The following TRHDE variants were observed in gnomAD, a reference collection of about 807,000 sequenced individuals.
TRHDE encodes thyrotropin releasing hormone degrading enzyme, also known as thyrotropin-releasing hormone-degrading ectoenzyme.
In TRHDE, 72 loss-of-function variants were observed where a neutral mutation model predicts 125.7. The ratio of observed to expected loss-of-function variants is 0.57; its 90% CI spans 0.47 to 0.70. The LOEUF is 0.70. Ranked by LOEUF, TRHDE falls within the 30% of genes least tolerant of loss-of-function variation. TRHDE has a pLI of 0.00. For missense variants in TRHDE, 1,110 were observed against 1,327.1 expected (o/e 0.84, Z 2.54); for synonymous variants, 509 against 509.1 (o/e 1.00, Z 0.00).
intron 1 of TRHDE, among the ~76,000 whole-genome samples, chr12:72,100,668 T>C (rs887300952): frequency 2.0e-5 from 3 of 152,170 alleles, no homozygotes; most frequent in African/African-American, 7.2e-5. Context: ...TGGGATCAGG[T>C]GAAGAATAGG....
intron 12 of TRHDE, among the ~76,000 whole-genome samples, chr12:72,606,539 TC>T (rs1484695703): frequency 1.3e-5 from 2 of 152,148 alleles, no homozygotes; most frequent in African/African-American, 4.8e-5. Flanking sequence ...AAATACTGTT[TC>T]CCCCATTTTA....
intron 2 of TRHDE, among the ~76,000 whole-genome samples, chr12:72,192,704 G>A (rs538747829): frequency 6.6e-6 from 1 of 152,112 alleles, no homozygotes; most frequent in East Asian, 1.9e-4. Context: ...CCTAACCTTT[G>A]TTCCCTGATC....
chr12:72,497,568 A>G (rs181918036), intron 5 of TRHDE, among the ~76,000 whole-genome samples: 1 of 152,280 alleles, frequency 6.6e-6, no homozygotes, highest in Admixed American at 6.5e-5. Flanking sequence ...TAATGGAATC[A>G]CACTTTTAAT....
rs553271295 is a variant in TRHDE, at chr12:72,121,175, A to G, written n.279+15423A>G. 1.4e-3 allele frequency among the ~76,000 whole-genome samples: 209 copies of G among 152,246 alleles called. 1 individual carries two copies. Among genetic ancestry groups the G allele is most frequent in the African/African-American group, 4.6e-3 (191 of 41,540 alleles). ...TATTACCAGTGAGTTTTGTACCTTC[A>G]GATGATTTCTTTTTTCTCGTTAATG... On this transcript the variant is annotated intron_variant and non_coding_transcript_variant, in intron 2 of 4. Coordinates refer to the TRHDE transcript ENST00000548156.
rs1308129691 is a variant in TRHDE at position 72,238,309 on chromosome 12, T to TA, written n.279+132558dup. ...ATATATATATATATATATATATATA[T>TA]ATATATATATATACATATATATATA... On this transcript the variant is annotated intron_variant and non_coding_transcript_variant, in intron 2 of 4. Coordinates refer to the TRHDE transcript ENST00000548156. 9.3e-4 allele frequency among the ~76,000 whole-genome samples: 31 copies of TA among 33,430 alleles called. 2 individuals carry two copies. The highest frequency in any genetic ancestry group is 1.8e-3 in the Non-Finnish European group (29 of 15,938). The allele number at this position is 33,430 out of a possible 152,430, so 21.9% of individuals were successfully genotyped here. A position where few individuals can be genotyped will look rare whatever the true frequency, so the allele number is the denominator to read the frequency against.
chr12:72,454,607 A>G (rs752481869), intron 3 of TRHDE, among the ~76,000 whole-genome samples: 1 of 152,206 alleles, frequency 6.6e-6, no homozygotes, highest in Non-Finnish European at 1.5e-5. Flanking sequence ...TTACTCGCCA[A>G]TCTTCATGGA....
chr12:72,539,449 G>A (rs1869034431), intron 6 of TRHDE, among the ~76,000 whole-genome samples: 1 of 151,832 alleles, frequency 6.6e-6, no homozygotes, highest in South Asian at 2.1e-4. Flanking sequence ...AGAACACAAA[G>A]TAATTGCTAT....
At chr12:72,376,357 T>C (rs945546700) in intron 2 of TRHDE, among the ~76,000 whole-genome samples, 2 of 152,186 alleles carry the variant, frequency 1.3e-5, no homozygotes, top group Admixed American at 6.5e-5. Context: ...CCGCTTCCTA[T>C]GAACTTTACT....
At chr12:72,587,005 T>G (rs775505380) in intron 12 of TRHDE, among the ~76,000 whole-genome samples, 4 of 152,086 alleles carry the variant, frequency 2.6e-5, no homozygotes, top group Non-Finnish European at 5.9e-5. Flanking sequence ...GAACTATAGA[T>G]GAAAATTAGT....
At chr12:72,172,133 A>G (rs1876887162) in intron 2 of TRHDE, among the ~76,000 whole-genome samples, 1 of 152,196 alleles carries the variant, frequency 6.6e-6, no homozygotes, top group African/African-American at 2.4e-5. Context: ...CAAATGGAGG[A>G]AAATATATCT....
intron 2 of TRHDE, chr12:72,264,015 T>C (rs1879010840): frequency 6.6e-6 from 1 of 152,042 alleles, no homozygotes. Flanking sequence ...CTGAAATGAC[T>C]CCATAAATGC....
At chr12:72,544,252 G>C (rs1027285873) in intron 7 of TRHDE, among the ~76,000 whole-genome samples, 10 of 151,354 alleles carry the variant, frequency 6.6e-5, no homozygotes, top group African/African-American at 2.2e-4. Flanking sequence ...AAGATGTATG[G>C]GATACATTTT....
chr12:72,287,086 TG>T lies in TRHDE; in HGVS notation c.1188+139del, dbSNP rs1158667762. 1.1e-4 allele frequency: 113 copies of T among 992,828 alleles called. 1 individual carries two copies. Among genetic ancestry groups the T allele is most frequent in the South Asian group, 1.1e-3 (63 of 56,660 alleles). 61.5% of individuals were successfully genotyped at this position (992,828 alleles called of 1,614,324 possible). On this transcript the variant is annotated intron_variant, in intron 2 of 18. Coordinates refer to ENST00000261180, the MANE Select transcript of TRHDE (RefSeq NM_013381.3). ...AGTGGAATTCTTTCTTTAATTCTTA[TG>T]GGGGGGTTTTTACATATTTTACTAG...
rs72163048 is a variant in TRHDE at position 72,498,963 on chromosome 12, ATGTGTG to A, written c.1585-511_1585-506del. ...CTCTTGAAATTTTTTCAGAAAATAA[ATGTGTG>A]TGTGTGTGTGTGTGTGTGTGTGTTT... On this transcript the variant is annotated intron_variant, in intron 5 of 18. Coordinates refer to ENST00000261180, the MANE Select transcript of TRHDE (RefSeq NM_013381.3). Among the ~76,000 whole-genome samples, 930 of 147,264 alleles carry A rather than the reference ATGTGTG, an allele frequency of 6.3e-3. 7 individuals are homozygous for A. The highest frequency in any genetic ancestry group is 0.02 in the African/African-American group (796 of 40,044).
chr12:72,242,077 T>C (rs1251034736), intron 2 of TRHDE, among the ~76,000 whole-genome samples: 4 of 150,600 alleles, frequency 2.7e-5, no homozygotes, highest in Non-Finnish European at 4.4e-5. Flanking sequence ...AAATATACTT[T>C]CACCAATCTA....
intron 2 of TRHDE, among the ~76,000 whole-genome samples, chr12:72,213,895 C>T (rs1877834640): frequency 6.6e-6 from 1 of 151,994 alleles, no homozygotes; most frequent in Admixed American, 6.6e-5. Flanking sequence ...CTTTAGATCT[C>T]CTTAACTTCC....
chr12:72,493,882 A>C (rs899649647), intron 5 of TRHDE, among the ~76,000 whole-genome samples: 12 of 152,016 alleles, frequency 7.9e-5, no homozygotes, highest in Non-Finnish European at 1.0e-4. Context: ...CTAAGGCAGA[A>C]TAATTAACAG....
chr12:72,488,369 T>C (rs1877509674), intron 5 of TRHDE, among the ~76,000 whole-genome samples: 1 of 152,044 alleles, frequency 6.6e-6, no homozygotes, highest in African/African-American at 2.4e-5. Context: ...TATACTTATA[T>C]CTGATAAAAT....
In TRHDE at chr12:72,658,541, G is replaced by A. The variant is rs1330094923; in HGVS notation, c.3066+1533G>A. ...TTCTTGCTTTCCTCTAACTCCGTTT[G>A]CCTTTCATATTTTCCTGGACTTGGT... On this transcript the variant is annotated intron_variant, in intron 18 of 18. Transcript: ENST00000261180. Among the ~76,000 whole-genome samples, 5 of 151,694 alleles carry A rather than the reference G, an allele frequency of 3.3e-5. No individual in the cohort carries two copies. In the East Asian group the frequency reaches 9.7e-4, roughly 29 times the overall value.
Sources: gnomAD v4.1 joint callset for allele counts (sites outside exome capture counted in the v4.1 genomes callset) on GRCh38, gnomAD v4.1.1 for gene constraint, MANE v1.5 for transcripts, NCBI Gene and HGNC (gene_info 2026-07-23, HGNC 2026-07-21) for gene names.